Variants in SPTBN5 observed in about 807,000 individuals in gnomAD.
SPTBN5 encodes spectrin beta, non-erythrocytic 5.
A neutral mutation model predicts 477.6 loss-of-function variants in SPTBN5; 513 were observed. That is an observed-to-expected ratio of 1.07 (90% CI 1.00 to 1.16). The LOEUF is 1.16. SPTBN5 is among the 50% of genes most tolerant of loss of function. The probability of loss-of-function intolerance (pLI) is 0.00; values close to 1 mark genes in which losing one functional copy is unlikely to be tolerated. For missense variants in SPTBN5, 5,062 were observed against 4,731.8 expected, an observed-to-expected ratio of 1.07 and a Z score of -2.05; for synonymous variants, 2,169 against 2,011.7, an observed-to-expected ratio of 1.08 and a Z score of -2.09.
chr15:41,890,544 A>G (rs1454643575), intron 3 of SPTBN5, among the ~76,000 whole-genome samples: 1 of 152,226 alleles, frequency 6.6e-6, no homozygotes, highest in Non-Finnish European at 1.5e-5. Context: ...AGGGGTCATA[A>G]CAGTCAATGT....
chr15:41,887,363 C>T lies in SPTBN5; in HGVS notation c.738G>A (p.Glu246=). 4.5e-6 allele frequency: 7 copies of T among 1,553,194 alleles called. No individual in the cohort carries two copies. The highest frequency in any genetic ancestry group is 5.2e-6 in the Non-Finnish European group (6 of 1,148,162). Residue 246 remains glutamate (E), a synonymous_variant, in exon 6 of 68, where the codon GAG becomes GAA. Coordinates refer to ENST00000320955, the MANE Select transcript of SPTBN5 (RefSeq NM_016642.4). ...HNLAFAFLVA[E]QELGIAQLLD... ...GCAGCTGAGCAATGCCCAGCTCCTG[C>T]TCAGCCACCAGGAAAGCAAAAGCAA...
intron 24 of SPTBN5, 30 bp from the exon 25 acceptor site, chr15:41,874,075 C>T (rs1051220637): frequency 4.7e-5 from 74 of 1,564,012 alleles, no homozygotes; most frequent in Non-Finnish European, 6.2e-5. Flanking sequence ...GAGGCTGCTG[C>T]TCTTAACCCA....
chr15:41,852,170 AG>A lies in SPTBN5; in HGVS notation c.10584+11del. The A allele has an allele frequency of 5.1e-6, 8 of 1,579,564 alleles. No homozygotes were observed. Among genetic ancestry groups the A allele is most frequent in the Non-Finnish European group, 6.9e-6 (8 of 1,158,672 alleles). ...ACGGCGGGGGTGCCTGCAGCCCCAT[AG>A]GGACACCTGCCTGGGGGTCCCTCGT... On this transcript the variant is annotated intron_variant, in intron 62 of 67. Transcript: ENST00000320955.
chr15:41,875,593 G>A lies in SPTBN5; in HGVS notation c.4152C>T (p.Pro1384=). Residue 1384 remains proline, a synonymous_variant, in exon 22 of 68, where the codon CCC becomes CCT. Transcript: ENST00000320955. ...TGGTCTGTATGTCCTCCTGGCCACA[G>A]GGCCTCCTACTCAACAGCTCTCTCC... The part of the protein sequence containing the change: ...QVGRELLSRR[P]CGQEDIQTRL... 3 of 1,599,808 alleles carry A rather than the reference G, an allele frequency of 1.9e-6. No individual in the cohort carries two copies. Among genetic ancestry groups the A allele is most frequent in the East Asian group, 4.5e-5 (2 of 44,314 alleles).
rs368601952 is a variant in SPTBN5, at chr15:41,851,354, A to G, written c.10672T>C (p.Trp3558Arg). Residue 3558 changes from tryptophan to arginine, a missense_variant, in exon 64 of 68, where the codon TGG becomes CGG. Coordinates refer to ENST00000320955, the MANE Select transcript of SPTBN5 (RefSeq NM_016642.4). The part of the protein sequence containing the change: ...PGGRQPSSSS[W>R]DSCRGNLQGS... ...TGCAAGTTCCCGCGGCAGCTGTCCC[A>G]GGAGCTCGAGCTAGGCTGTGGAGAG... 8.6e-4 allele frequency: 1,329 copies of G among 1,550,878 alleles called. 2 individuals are homozygous for G. Among genetic ancestry groups the G allele is most frequent in the Non-Finnish European group, 1.0e-3 (1,144 of 1,146,950 alleles).
chr15:41,860,406 A>G (rs1370303966), intron 47 of SPTBN5, among the ~76,000 whole-genome samples, 180 bp downstream of exon 47: 1 of 152,278 alleles, frequency 6.6e-6, no homozygotes, highest in East Asian at 1.9e-4. Context: ...TTTGATGTCC[A>G]TAACAGGCAG....
At chr15:41,850,234 C>G in intron 66 of SPTBN5, 1 of 455,812 alleles carries the variant, frequency 2.2e-6, no homozygotes, top group Non-Finnish European at 4.1e-6. Flanking sequence ...TCGAACAACT[C>G]AAGATCCCTT....
Position 41,848,601 on chromosome 15 carries a change from G to A in SPTBN5, c.*15C>T, listed in dbSNP as rs766056588. On this transcript the variant is annotated 3_prime_UTR_variant, in exon 68 of 68. Coordinates refer to ENST00000320955, the MANE Select transcript of SPTBN5 (RefSeq NM_016642.4). Reference sequence around the variant, plus strand: ...GCTTGTGCCCCTGAAGTTTGGTGTTGCACTGGGGTTCACCTCAGGGATCAG... The same window carrying A: ...GCTTGTGCCCCTGAAGTTTGGTGTTACACTGGGGTTCACCTCAGGGATCAG... 16 of 1,613,908 alleles carry A rather than the reference G, an allele frequency of 9.9e-6. No individual in the cohort carries two copies. The South Asian group carries it at 1.5e-4, about 16-fold the overall frequency.
intron 57 of SPTBN5, 45 bp from the exon 58 acceptor site, chr15:41,853,832 C>T (rs117902765): frequency 0.025 from 37,763 of 1,502,010 alleles, 593 homozygotes; most frequent in South Asian, 0.052. Flanking sequence ...CCCACTGAGC[C>T]GATGCGTGCT....
At chr15:41,855,145 C>T (rs2065895092) in intron 55 of SPTBN5, 79 bp downstream of exon 55, 1 of 1,507,054 alleles carries the variant, frequency 6.6e-7, no homozygotes, top group Admixed American at 1.9e-5. Flanking sequence ...TGCTGACTCC[C>T]CAGCAACCCT....
chr15:41,863,751 C>G lies in SPTBN5; in HGVS notation c.7102G>C (p.Val2368Leu). 6.2e-7 allele frequency: 1 copy of G among 1,613,714 alleles called. No homozygotes were observed. The highest frequency in any genetic ancestry group is 1.3e-5 in the African/African-American group (1 of 75,044). The change falls in exon 41 of 68, where the codon GTG becomes CTG. Residue 2368 changes from valine (V) to leucine (L), a missense_variant. By Grantham distance (32) the Val-to-Leu change is conservative. Coordinates refer to ENST00000320955, the MANE Select transcript of SPTBN5 (RefSeq NM_016642.4). ...ACATTGTCCAGCTCTCGGGACAACA[C>G]GTGTATCTCCAAGGCCCCTTCGAGC... ...QQLEGALEIH[V>L]LSRELDNVTK...
At position 41,882,137 on chromosome 15, in the gene SPTBN5, C is replaced by G. The variant is rs1419255261; in HGVS notation, c.2256G>C (p.Ala752=). ...QTALLVLQYF[A]DAAEAASWLR... ...GCCACGAAGCCGCCTCCGCCGCGTC[C>G]GCGAAGTACTGTGGGAGGGGGTCGG... is the stretch of plus-strand genomic sequence containing the variant. The change falls in exon 12 of 68, where the codon GCG becomes GCC. Residue 752 remains alanine, a synonymous_variant. Coordinates refer to ENST00000320955, the MANE Select transcript of SPTBN5 (RefSeq NM_016642.4). 1 of 1,571,560 alleles carries G rather than the reference C, an allele frequency of 6.4e-7. No homozygotes were observed. Among genetic ancestry groups the G allele is most frequent in the African/African-American group, 1.4e-5 (1 of 72,060 alleles).
chr15:41,889,789 A>G (rs1005087058), intron 4 of SPTBN5, among the ~76,000 whole-genome samples: 1 of 152,244 alleles, frequency 6.6e-6, no homozygotes, highest in Non-Finnish European at 1.5e-5. Context: ...GGAGCACCAC[A>G]CAGGGGTGAA....
In SPTBN5 at chr15:41,887,334, T is replaced by G. The variant is rs752088949; in HGVS notation, c.767A>C (p.Asp256Ala). 1.6e-5 allele frequency: 25 copies of G among 1,551,634 alleles called. No individual in the cohort carries two copies. The highest frequency in any genetic ancestry group is 1.9e-5 in the Non-Finnish European group (22 of 1,147,324). ...EQELGIAQLLDPEDVAAAQPD... is the reference protein window; with the variant it reads ...EQELGIAQLLAPEDVAAAQPD... ...CTGTGCGGCTGCCACGTCCTCGGGG[T>G]CCAGCAGCTGAGCAATGCCCAGCTC... is the stretch of plus-strand genomic sequence containing the variant. The change falls in exon 6 of 68, where the codon GAC becomes GCC. Residue 256 changes from aspartate (D) to alanine (A), a missense_variant. Physicochemically the swap from Asp to Ala is moderately radical, Grantham distance 126. Transcript: ENST00000320955.
In SPTBN5 at chr15:41,851,104, TCA is replaced by T. The variant is rs1331323558; in HGVS notation, c.10788_10789del (p.Cys3596Ter). 6 of 1,613,244 alleles carry T rather than the reference TCA, an allele frequency of 3.7e-6. No homozygotes were observed. Among genetic ancestry groups the T allele is most frequent in the Non-Finnish European group, 4.2e-6 (5 of 1,179,832 alleles). On this transcript the variant is annotated stop_gained and frameshift_variant, in exon 65 of 68. Coordinates refer to ENST00000320955, the MANE Select transcript of SPTBN5 (RefSeq NM_016642.4). LOFTEE classifies it high-confidence loss of function. Reference sequence around the variant, plus strand: ...CCTGCCGTGGCGGCCCCGCAGCCTCTCACACCGGGCTCCCGTGAGGTCAAGGA... The same window carrying T: ...CCTGCCGTGGCGGCCCCGCAGCCTCTCACCGGGCTCCCGTGAGGTCAAGGA...
Position 41,882,943 on chromosome 15 carries a change from T to C in SPTBN5, c.1892+53A>G, listed in dbSNP as rs371558615. 486 of 1,484,660 alleles carry C rather than the reference T, an allele frequency of 3.3e-4. 1 individual carries two copies. In the African/African-American group the frequency reaches 6.2e-3, roughly 19 times the overall value. The allele number at this position is 1,484,660 out of a possible 1,614,324, so 92.0% of individuals were successfully genotyped here. On this transcript the variant is annotated intron_variant, in intron 9 of 67. Transcript: ENST00000320955. The stretch of plus-strand genomic sequence containing the variant: ...TACTTTAACCTGGGCAGGAGATAAT[T>C]TGGGTTACAGAAAAGTTCTGGGAAA...
chr15:41,852,365 G>A (rs1346056953), intron 61 of SPTBN5, 49 bp from the exon 62 acceptor site: 5 of 1,513,412 alleles, frequency 3.3e-6, no homozygotes, highest in Non-Finnish European at 4.4e-6. Context: ...AGGGAGACCA[G>A]CCACACCTCA....
At position 41,852,946 on chromosome 15, in the gene SPTBN5, A is replaced by G. The variant is rs1454801105; in HGVS notation, c.10225T>C (p.Trp3409Arg). ...EGRLQELEEA[W>R]ALRWQRCAES... is the part of the protein sequence containing the mutation. ...GCACAGCGTTGCCAGCGCAGGGCCC[A>G]AGCCTCCTCCAGCTCCTGCAGCCGC... Residue 3409 changes from tryptophan (W) to arginine (R), a missense_variant, in exon 60 of 68, where the codon TGG (tryptophan) becomes CGG (arginine). By Grantham distance (101) the Trp-to-Arg change is moderately radical. Transcript: ENST00000320955. The G allele has an allele frequency of 1.3e-6, 2 of 1,579,050 alleles. No homozygotes were observed. Among genetic ancestry groups the G allele is most frequent in the Admixed American group, 1.8e-5 (1 of 54,094 alleles).
At chr15:41,873,747 C>T in intron 25 of SPTBN5, 98 bp downstream of exon 25, 1 of 1,535,042 alleles carries the variant, frequency 6.5e-7, no homozygotes, top group African/African-American at 1.4e-5. Context: ...AGCCCAGAGC[C>T]CCCACCACTG....
Sources: allele counts gnomAD v4.1 joint callset (sites outside exome capture counted in the v4.1 genomes callset), GRCh38; gene constraint gnomAD v4.1.1; transcripts MANE v1.5; gene names NCBI Gene and HGNC (gene_info 2026-07-23, HGNC 2026-07-21).